Variants in ZFHX4 observed in about 807,000 individuals in gnomAD.
ZFHX4 encodes the protein zinc finger homeobox protein 4.
In ZFHX4, 56 loss-of-function variants were observed where a neutral mutation model predicts 267.6. The observed-to-expected ratio is 0.21, with a 90% CI of 0.17 to 0.26. The LOEUF is 0.26. ZFHX4 is among the 10% of genes least tolerant of loss of function. ZFHX4 has a pLI of 1.00. For synonymous variants in ZFHX4, 1,778 were observed against 1,665.6 expected, an observed-to-expected ratio of 1.07 and a Z score of -1.64; for missense variants, 4,332 against 4,420.0, an observed-to-expected ratio of 0.98 and a Z score of 0.56.
At position 76,853,074 on chromosome 8, in the gene ZFHX4, TC is replaced by T. The variant is rs754416548; in HGVS notation, c.6155del (p.Pro2052LeufsTer31). 1 of 446,214 alleles carries T rather than the reference TC, an allele frequency of 2.2e-6. No homozygotes were observed. The highest frequency in any genetic ancestry group is 5.7e-5 in the East Asian group (1 of 17,500). 27.6% of individuals were successfully genotyped at this position (446,214 alleles called of 1,614,324 possible). A position where few individuals can be genotyped will look rare whatever the true frequency, so the allele number is the denominator to read the frequency against. ...PPPPPPPPPPPPPPPPPPPPS... is the reference protein window; with the variant it reads ...PPPPPPPPPPXPPPPPPPPPS... ...CCCCACCACCACCACCTCCTCCTCCTCCTCCTCCTCCCCCCCCACCTCCTCC... is the reference window on the plus strand; with the variant it reads ...CCCCACCACCACCACCTCCTCCTCCTCTCCTCCTCCCCCCCCACCTCCTCC... On this transcript the variant is annotated frameshift_variant, in exon 10 of 11. Transcript: ENST00000651372. LOFTEE classifies it high-confidence loss of function.
chr8:76,826,371 C>T (rs562439880), intron 4 of ZFHX4, among the ~76,000 whole-genome samples: 1 of 152,252 alleles, frequency 6.6e-6, no homozygotes, highest in East Asian at 1.9e-4. Context: ...AGGGGACAAA[C>T]ATCCAAACCA....
chr8:76,795,568 C>T (rs149016552), intron 4 of ZFHX4, among the ~76,000 whole-genome samples: 2,984 of 126,322 alleles, frequency 0.024, 82 homozygotes, highest in African/African-American at 0.072. Context: ...TTTTTTGAGA[C>T]GGAGTTTCGC....
chr8:76,706,163 A>T lies in ZFHX4; in HGVS notation c.2075A>T (p.Tyr692Phe), dbSNP rs1348276178. 3 of 1,614,074 alleles carry T rather than the reference A, an allele frequency of 1.9e-6. No homozygotes were observed. The highest frequency in any genetic ancestry group is 2.5e-6 in the Non-Finnish European group (3 of 1,180,002). The change falls in exon 2 of 11, where the codon TAC (tyrosine) becomes TTC (phenylalanine). Residue 692 changes from tyrosine to phenylalanine, a missense_variant. Tyr to Phe is a conservative substitution (Grantham distance 22). Around this residue, in one of 7 missense-constraint regions of ZFHX4, gnomAD observed 1,195 missense variants for 1,173.6 expected, o/e 1.02. Coordinates refer to ENST00000651372, the MANE Select transcript of ZFHX4 (RefSeq NM_024721.5). The stretch of plus-strand genomic sequence containing the variant: ...CCCAGGCTTGCCCGGGGTGAGAGTT[A>T]CACGTGTGGCTATAAACCCTTCCGT... ...PHPRLARGES[Y>F]TCGYKPFRCE...
chr8:76,863,283 A>G lies in ZFHX4; in HGVS notation c.9569A>G (p.Glu3190Gly). The G allele has an allele frequency of 6.2e-7, 1 of 1,612,796 alleles. No individual in the cohort carries two copies. The highest frequency in any genetic ancestry group is 1.3e-5 in the African/African-American group (1 of 74,968). The change falls in exon 11 of 11, where the codon GAG (glutamate) becomes GGG (glycine). Residue 3190 changes from glutamate to glycine, a missense_variant. Physicochemically the swap from Glu to Gly is moderately conservative, Grantham distance 98 (BLOSUM62 -2). This residue lies in a region of ZFHX4 where 1,648 missense variants were observed against 1,625.0 expected (regional missense o/e 1.01). Transcript: ENST00000651372. ...QQTEQQNKES[E>G]KKQTKPNKVK... The stretch of plus-strand genomic sequence containing the variant: ...ACCGAGCAACAGAACAAAGAATCTG[A>G]GAAAAAGCAAACTAAGCCAAACAAG...
chr8:76,726,726 C>T (rs1346353921), intron 3 of ZFHX4, among the ~76,000 whole-genome samples: 1 of 152,100 alleles, frequency 6.6e-6, no homozygotes, highest in Non-Finnish European at 1.5e-5. Flanking sequence ...AGTATTTCAT[C>T]CCGTTTGTAA....
At chr8:76,825,441 C>T (rs10957820) in intron 4 of ZFHX4, among the ~76,000 whole-genome samples, 2,523 of 152,312 alleles carry the variant, frequency 0.017, 27 homozygotes, top group Middle Eastern at 0.031. Context: ...CTTCCTTGCT[C>T]GAAGAGCAGC....
chr8:76,709,216 T>C (rs1808358145), intron 3 of ZFHX4, among the ~76,000 whole-genome samples: 1 of 152,182 alleles, frequency 6.6e-6, no homozygotes, highest in South Asian at 2.1e-4. Flanking sequence ...GAAGTTGAAA[T>C]TCTAGATAAA....
Position 76,704,412 on chromosome 8 carries a change from G to A in ZFHX4, c.324G>A (p.Leu108=). Residue 108 remains leucine, a synonymous_variant, in exon 2 of 11, where the codon CTG becomes CTA. Coordinates refer to ENST00000651372, the MANE Select transcript of ZFHX4 (RefSeq NM_024721.5). ...GCCCTAATGCCCGCCTTCCTGTCCT[G>A]AAGGATGACAACGAGAGCGAGATCA... is the stretch of plus-strand genomic sequence containing the variant. ...HHCPNARLPV[L]KDDNESEISE... is the part of the protein sequence containing the mutation. 1 of 1,614,012 alleles carries A rather than the reference G, an allele frequency of 6.2e-7. No individual in the cohort carries two copies. Among genetic ancestry groups the A allele is most frequent in the Non-Finnish European group, 8.5e-7 (1 of 1,179,896 alleles).
At chr8:76,819,139 A>G (rs1811578824) in intron 4 of ZFHX4, among the ~76,000 whole-genome samples, 1 of 124,436 alleles carries the variant, frequency 8.0e-6, no homozygotes, top group Non-Finnish European at 1.7e-5. Context: ...TGTGCTCATA[A>G]AGGTTTTTTT....
Position 76,856,075 on chromosome 8 carries a change from C to T in ZFHX4, c.9154C>T (p.Pro3052Ser), listed in dbSNP as rs1282814088. The change falls in exon 10 of 11, where the codon CCG becomes TCG. Residue 3052 changes from proline (P) to serine (S), a missense_variant. Coordinates refer to ENST00000651372, the MANE Select transcript of ZFHX4 (RefSeq NM_024721.5). ...QLDREKDYLA[P>S]TTVRQLMAQQ... ...CGATCGGGAGAAAGATTACTTGGCT[C>T]CGACCACGGTTCGGCAGCTGATGGC... 3.7e-6 allele frequency: 6 copies of T among 1,613,806 alleles called. No individual in the cohort carries two copies. Among genetic ancestry groups the T allele is most frequent in the Non-Finnish European group, 5.1e-6 (6 of 1,179,888 alleles).
chr8:76,804,166 G>A (rs1351161532), intron 4 of ZFHX4, among the ~76,000 whole-genome samples: 1 of 152,002 alleles, frequency 6.6e-6, no homozygotes, highest in Non-Finnish European at 1.5e-5. Flanking sequence ...AGTCATGATT[G>A]ATTTAACATC....
intron 4 of ZFHX4, among the ~76,000 whole-genome samples, chr8:76,805,294 T>C (rs981245381): frequency 2.0e-5 from 3 of 152,110 alleles, no homozygotes; most frequent in Non-Finnish European, 1.5e-5. Flanking sequence ...CCACTGACTT[T>C]AGTAAGGGAT....
chr8:76,842,314 T>C (rs1812255343), intron 5 of ZFHX4, among the ~76,000 whole-genome samples: 1 of 152,134 alleles, frequency 6.6e-6, no homozygotes, highest in African/African-American at 2.4e-5. Flanking sequence ...GAACAGTAGG[T>C]TTATGTTGTT....
chr8:76,695,989 A>G (rs181387289), intron 1 of ZFHX4, among the ~76,000 whole-genome samples: 1 of 152,320 alleles, frequency 6.6e-6, no homozygotes, highest in Admixed American at 6.5e-5. Flanking sequence ...AGAAGAGTTC[A>G]AGCTTGGTGC....
intron 3 of ZFHX4, among the ~76,000 whole-genome samples, chr8:76,767,441 T>C (rs1810080056): frequency 6.6e-6 from 1 of 152,126 alleles, no homozygotes; most frequent in Non-Finnish European, 1.5e-5. Context: ...GGTCTTTTTC[T>C]CCCACCTCTT....
chr8:76,783,522 T>A (rs1473593658), intron 4 of ZFHX4, among the ~76,000 whole-genome samples: 1 of 152,030 alleles, frequency 6.6e-6, no homozygotes, highest in Non-Finnish European at 1.5e-5. Flanking sequence ...TATCTCTCCC[T>A]ATTTGGTGAT....
In ZFHX4 at chr8:76,704,041, A is replaced by G; in HGVS notation, c.-46-2A>G. The G allele has an allele frequency of 6.6e-7, 1 of 1,523,200 alleles. No individual in the cohort carries two copies. Among genetic ancestry groups the G allele is most frequent in the East Asian group, 2.3e-5 (1 of 44,018 alleles). The allele number at this position is 1,523,200 out of a possible 1,614,324, so 94.4% of individuals were successfully genotyped here. A position where few individuals can be genotyped will look rare whatever the true frequency, so the allele number is the denominator to read the frequency against. ...GCTTCTCTCACCTTATTTTTTATCCAGGTCCCTGACAGGCTGGATGAAATG... is the reference window on the plus strand; with the variant it reads ...GCTTCTCTCACCTTATTTTTTATCCGGGTCCCTGACAGGCTGGATGAAATG... On this transcript the variant is annotated splice_acceptor_variant, in intron 1 of 10. Transcript: ENST00000651372. LOFTEE classifies it low-confidence loss of function (5UTR_SPLICE).
In ZFHX4 at chr8:76,864,371, A is replaced by C. The variant is rs777249499; in HGVS notation, c.10657A>C (p.Thr3553Pro). 6.2e-7 allele frequency: 1 copy of C among 1,613,688 alleles called. No individual in the cohort carries two copies. The highest frequency in any genetic ancestry group is 8.5e-7 in the Non-Finnish European group (1 of 1,179,858). Residue 3553 changes from threonine to proline, a missense_variant, in exon 11 of 11, where the codon ACG (threonine) becomes CCG (proline). Physicochemically the swap from Thr to Pro is conservative, Grantham distance 38. This residue lies in a region of ZFHX4 where 1,648 missense variants were observed against 1,625.0 expected (regional missense o/e 1.01). Coordinates refer to ENST00000651372, the MANE Select transcript of ZFHX4 (RefSeq NM_024721.5). ...SSPPSLSLPS[T>P]VTSSLCSTSG... is the part of the protein sequence containing the mutation. ...TCCTCCTTCCCTTTCCTTGCCTTCAACGGTTACCTCAAGTTTGTGCAGCAC... is the reference window on the plus strand; with the variant it reads ...TCCTCCTTCCCTTTCCTTGCCTTCACCGGTTACCTCAAGTTTGTGCAGCAC...
rs775469383 is a variant in ZFHX4 at position 76,864,045 on chromosome 8, T to C, written c.10331T>C (p.Val3444Ala). 6.2e-7 allele frequency: 1 copy of C among 1,613,718 alleles called. No homozygotes were observed. The highest frequency in any genetic ancestry group is 2.2e-5 in the East Asian group (1 of 44,832). ...CAAGAGACAGTGCTTCGTGTCCCAG[T>C]CAGCAAATATCAGTGTCTTGCCTGT... is the stretch of plus-strand genomic sequence containing the variant. ...DPQETVLRVPVSKYQCLACDV... is the reference protein window; with the variant it reads ...DPQETVLRVPASKYQCLACDV... Residue 3444 changes from valine (V) to alanine (A), a missense_variant, in exon 11 of 11, where the codon GTC becomes GCC. Physicochemically the swap from Val to Ala is moderately conservative, Grantham distance 64. Transcript: ENST00000651372.
Sources: allele counts gnomAD v4.1 joint callset (sites outside exome capture counted in the v4.1 genomes callset), GRCh38; gene constraint gnomAD v4.1.1; regional missense constraint gnomAD v4.1.1; transcripts MANE v1.5; gene names NCBI Gene and HGNC (gene_info 2026-07-23, HGNC 2026-07-21).